The following FXN variants were observed in gnomAD, a reference collection of about 807,000 sequenced individuals.
FXN encodes the protein frataxin, mitochondrial.
Under a neutral mutation model 22.4 loss-of-function variants are expected in FXN, and 14 were observed. The ratio of observed to expected loss-of-function variants is 0.62; its 90% CI spans 0.41 to 0.98. FXN has a LOEUF of 0.98. Among genes scored for constraint, FXN ranks in the 50% least tolerant of loss-of-function variants. The pLI is 0.00. For synonymous variants in FXN, 120 were observed against 114.1 expected, an observed-to-expected ratio of 1.05 and a Z score of -0.33; for missense variants, 267 against 268.4, an observed-to-expected ratio of 0.99 and a Z score of 0.04.
rs1184965039 is a variant in FXN at position 69,075,736 on chromosome 9, C to T, written c.*2974C>T. On this transcript the variant is annotated 3_prime_UTR_variant, in exon 5 of 5. Transcript: ENST00000484259. Reference sequence around the variant, plus strand: ...CAATCTTAGAAAACTTTTTTTTCCCCTTTCTATTTTTTGAGACAGGATCTC... The same window carrying T: ...CAATCTTAGAAAACTTTTTTTTCCCTTTTCTATTTTTTGAGACAGGATCTC... 1.0e-6 allele frequency: 1 copy of T among 980,430 alleles called. No homozygotes were observed. Among genetic ancestry groups the T allele is most frequent in the Non-Finnish European group, 1.2e-6 (1 of 825,668 alleles). The allele number at this position is 980,430 out of a possible 1,614,324, so 60.7% of individuals were successfully genotyped here.
At chr9:69,056,785 C>T (rs895500182) in intron 3 of FXN, among the ~76,000 whole-genome samples, 1 of 139,012 alleles carries the variant, frequency 7.2e-6, no homozygotes, top group African/African-American at 2.5e-5. Context: ...CTCTGTTGCC[C>T]AGGCTGGAGT....
chr9:69,049,315 C>T (rs1449345324), intron 2 of FXN, among the ~76,000 whole-genome samples: 1 of 152,146 alleles, frequency 6.6e-6, no homozygotes. Context: ...TCTCAAAACA[C>T]ACCCTTTCTC....
rs754011132 is a variant in FXN at position 69,064,971 on chromosome 9, C to T, written c.418C>T (p.Leu140=). 1 of 1,613,940 alleles carries T rather than the reference C, an allele frequency of 6.2e-7. No individual in the cohort carries two copies. Among genetic ancestry groups the T allele is most frequent in the Admixed American group, 1.7e-5 (1 of 60,000 alleles). The change falls in exon 4 of 5, where the codon CTA becomes TTA. Residue 140 remains leucine (L), a synonymous_variant. Coordinates refer to ENST00000484259, the MANE Select transcript of FXN (RefSeq NM_000144.5). ...GVLTVKLGGD[L]GTYVINKQTP... ...CTTAACTGTCAAACTGGGTGGAGAT[C>T]TAGGAACCTATGTGATCAACAAGCA... is the stretch of plus-strand genomic sequence containing the variant.
intron 3 of FXN, among the ~76,000 whole-genome samples, chr9:69,059,391 CTTTTTTTTTTT>C (rs35159671): frequency 9.5e-5 from 6 of 62,996 alleles, no homozygotes; most frequent in East Asian, 5.5e-4. Flanking sequence ...GAGGCAGCAT[CTTTTTTTTTTT>C]TTTTTTTTTT....
intron 4 of FXN, among the ~76,000 whole-genome samples, chr9:69,070,877 C>T (rs1832261472): frequency 6.6e-6 from 1 of 150,440 alleles, no homozygotes; most frequent in Admixed American, 6.6e-5. Flanking sequence ...CACTTTGTTG[C>T]CTAGGTTGGT....
intron 1 of FXN, 104 bp downstream of exon 1, chr9:69,036,051 C>G (rs1246713710): frequency 1.9e-6 from 2 of 1,030,428 alleles, no homozygotes; most frequent in Non-Finnish European, 2.5e-6. Context: ...TCCGGGTACG[C>G]GCGCTGGACT....
Position 69,038,215 on chromosome 9 carries a change from G to A in FXN, c.165+2268G>A, listed in dbSNP as rs371946658. Among the ~76,000 whole-genome samples, 6 of 152,262 alleles carry A rather than the reference G, an allele frequency of 3.9e-5. No individual in the cohort carries two copies. The East Asian group carries it at 7.7e-4, about 20-fold the overall frequency. ...ACATCTTGGGTATTTGAGGAGTTGG[G>A]TGGGTGGCAGTGGCAACTGGGGCCA... On this transcript the variant is annotated intron_variant, in intron 1 of 4. Coordinates refer to ENST00000484259, the MANE Select transcript of FXN (RefSeq NM_000144.5).
In FXN at chr9:69,072,681, G is replaced by A; in HGVS notation, c.552G>A (p.Glu184=). ...VYSHDGVSLH[E]LLAAELTKAL... ...CCCACGACGGCGTGTCCCTCCATGA[G>A]CTGCTGGCCGCAGAGCTCACTAAAG... The change falls in exon 5 of 5, where the codon GAG becomes GAA. Residue 184 remains glutamate (E), a synonymous_variant. Transcript: ENST00000484259. 1 of 1,614,174 alleles carries A rather than the reference G, an allele frequency of 6.2e-7. No homozygotes were observed. The highest frequency in any genetic ancestry group is 1.1e-5 in the South Asian group (1 of 91,080).
At chr9:69,058,911 G>A (rs920016680) in intron 3 of FXN, among the ~76,000 whole-genome samples, 7 of 151,940 alleles carry the variant, frequency 4.6e-5, no homozygotes, top group African/African-American at 1.2e-4. Flanking sequence ...TACTAAAAAT[G>A]CAAAAACTTA....
At chr9:69,044,858 T>C (rs1231650211) in intron 1 of FXN, among the ~76,000 whole-genome samples, 1 of 152,232 alleles carries the variant, frequency 6.6e-6, no homozygotes, top group Non-Finnish European at 1.5e-5. Flanking sequence ...CAGGTCACAT[T>C]CTGTCCTGCA....
rs559317356 is a variant in FXN at position 69,069,471 on chromosome 9, C to G, written c.483-3141C>G. 7.1e-4 allele frequency among the ~76,000 whole-genome samples: 108 copies of G among 152,320 alleles called. 1 individual carries two copies. In the South Asian group the frequency reaches 0.022, roughly 30 times the overall value. Reference sequence around the variant, plus strand: ...GCTAAGCGGCTACTGTGAGTTCTTTCCACTCCCCCAAGACATTGCATAAAT... The same window carrying G: ...GCTAAGCGGCTACTGTGAGTTCTTTGCACTCCCCCAAGACATTGCATAAAT... On this transcript the variant is annotated intron_variant, in intron 4 of 4. Coordinates refer to ENST00000484259, the MANE Select transcript of FXN (RefSeq NM_000144.5).
rs149664725 is a variant in FXN, at chr9:69,073,557, G to T, written c.*795G>T. 1.1e-3 allele frequency: 1,063 copies of T among 985,452 alleles called. 16 individuals carry two copies. The Admixed American group carries it at 0.032, about 29-fold the overall frequency. The allele number at this position is 985,452 out of a possible 1,614,324, so 61.0% of individuals were successfully genotyped here. ...AACAAAATCATGGAGCTGAGGAGGT[G>T]CCTTGTAAACATGAAGGGGCAGATA... On this transcript the variant is annotated 3_prime_UTR_variant, in exon 5 of 5. Coordinates refer to ENST00000484259, the MANE Select transcript of FXN (RefSeq NM_000144.5).
intron 1 of FXN, among the ~76,000 whole-genome samples, chr9:69,040,951 G>A (rs1475733439): frequency 6.6e-6 from 1 of 152,132 alleles, no homozygotes; most frequent in African/African-American, 2.4e-5. Context: ...TTGGTGCATT[G>A]ATCTTGGATT....
At chr9:69,038,362 C>T (rs11791138) in intron 1 of FXN, among the ~76,000 whole-genome samples, 25 of 152,252 alleles carry the variant, frequency 1.6e-4, no homozygotes, top group Middle Eastern at 3.4e-3. Flanking sequence ...CTTTTCTCCA[C>T]CCCTTGCATC....
At chr9:69,043,370 T>G (rs961087548) in intron 1 of FXN, 3 of 152,232 alleles carry the variant, frequency 2.0e-5, no homozygotes, top group Non-Finnish European at 2.9e-5. Context: ...TTAGAGAAGC[T>G]TTGTCAGGCA....
intron 3 of FXN, among the ~76,000 whole-genome samples, chr9:69,057,426 T>C (rs1831979991): frequency 6.6e-6 from 1 of 152,230 alleles, no homozygotes; most frequent in African/African-American, 2.4e-5. Flanking sequence ...TAACCCATTC[T>C]TTCAAAGGAA....
chr9:69,060,295 C>A (rs3793459), intron 3 of FXN, among the ~76,000 whole-genome samples: 1 of 150,764 alleles, frequency 6.6e-6, no homozygotes, highest in Non-Finnish European at 1.5e-5. Context: ...GGCGTGAACC[C>A]GGGAGGCAGA....
chr9:69,040,761 A>C (rs191593935), intron 1 of FXN, among the ~76,000 whole-genome samples: 123 of 152,334 alleles, frequency 8.1e-4, no homozygotes, highest in African/African-American at 2.8e-3. Context: ...CCCACCATTC[A>C]TATGTTAAAA....
intron 4 of FXN, among the ~76,000 whole-genome samples, chr9:69,066,356 TC>T (rs1832165740): frequency 3.3e-5 from 5 of 152,344 alleles, no homozygotes; most frequent in Middle Eastern, 3.4e-3. Flanking sequence ...TATTCTGTGA[TC>T]TCTAATGCTT....
Sources: allele counts gnomAD v4.1 joint callset (sites outside exome capture counted in the v4.1 genomes callset), GRCh38; gene constraint gnomAD v4.1.1; transcripts MANE v1.5; gene names NCBI Gene and HGNC (gene_info 2026-07-23, HGNC 2026-07-21).